The following ST6GALNAC3 variants were observed in gnomAD, a reference collection of about 807,000 sequenced individuals.
ST6GALNAC3 encodes the protein alpha-N-acetylgalactosaminide alpha-2,6-sialyltransferase 3.
In ST6GALNAC3, 25 loss-of-function variants were observed where a neutral mutation model predicts 32.7. The ratio of observed to expected loss-of-function variants is 0.76; its 90% CI spans 0.56 to 1.07. The LOEUF is 1.07. ST6GALNAC3 is among the 50% of genes least tolerant of loss of function. The pLI is 0.00. For synonymous variants in ST6GALNAC3, 129 were observed against 133.1 expected (o/e 0.97, Z 0.21); for missense variants, 355 against 382.4 (o/e 0.93, Z 0.60).
At chr1:76,426,501 TTGTGGAATAC>T (rs1385229632) in intron 3 of ST6GALNAC3, among the ~76,000 whole-genome samples, 2 of 151,658 alleles carry the variant, frequency 1.3e-5, no homozygotes, top group Non-Finnish European at 2.9e-5. Flanking sequence ...CAATGCCTTC[TTGTGGAATAC>T]TGCCTGAAAG....
At chr1:76,303,621 T>C (rs1660861186) in intron 1 of ST6GALNAC3, among the ~76,000 whole-genome samples, 1 of 152,110 alleles carries the variant, frequency 6.6e-6, no homozygotes, top group East Asian at 1.9e-4. Context: ...GCTATTGTCC[T>C]TATCAGAAGA....
At chr1:76,443,696 T>A (rs34785262) in intron 3 of ST6GALNAC3, among the ~76,000 whole-genome samples, 5,890 of 152,314 alleles carry the variant, frequency 0.039, 161 homozygotes, top group Non-Finnish European at 0.06. Context: ...ATTTTTCAAG[T>A]TCTTAAAGCA....
chr1:76,348,221 C>G (rs1648681096), intron 2 of ST6GALNAC3, among the ~76,000 whole-genome samples: 1 of 152,080 alleles, frequency 6.6e-6, no homozygotes, highest in African/African-American at 2.4e-5. Flanking sequence ...ACAGAGATAA[C>G]TTATTGTTTA....
At chr1:76,229,063 T>C (rs1656222359) in intron 1 of ST6GALNAC3, among the ~76,000 whole-genome samples, 2 of 152,118 alleles carry the variant, frequency 1.3e-5, no homozygotes, top group Non-Finnish European at 2.9e-5. Context: ...ACTGATTATA[T>C]GAATGGACAA....
chr1:76,517,649 T>C (rs1488644719), intron 3 of ST6GALNAC3, among the ~76,000 whole-genome samples: 2 of 151,990 alleles, frequency 1.3e-5, no homozygotes, highest in East Asian at 3.8e-4. Context: ...AAGTTGATTA[T>C]TTAATTATTT....
intron 1 of ST6GALNAC3, among the ~76,000 whole-genome samples, chr1:76,117,445 C>CT (rs1366048114): frequency 6.6e-6 from 1 of 152,232 alleles, no homozygotes; most frequent in Middle Eastern, 3.2e-3. Context: ...TGATGTGAGT[C>CT]TTGCTAGTCC....
intron 3 of ST6GALNAC3, among the ~76,000 whole-genome samples, chr1:76,436,442 G>C (rs1462588788): frequency 1.3e-5 from 2 of 152,032 alleles, no homozygotes; most frequent in African/African-American, 4.8e-5. Flanking sequence ...ACTGAGTCAG[G>C]ATTTTTTAAT....
chr1:76,617,450 A>G (rs1370038049), intron 3 of ST6GALNAC3, among the ~76,000 whole-genome samples: 2 of 152,170 alleles, frequency 1.3e-5, no homozygotes, highest in African/African-American at 4.8e-5. Context: ...AATTACCTTT[A>G]TCAGGTTAGC....
chr1:76,413,678 C>T (rs182051111), intron 3 of ST6GALNAC3, among the ~76,000 whole-genome samples: 18 of 152,210 alleles, frequency 1.2e-4, no homozygotes, highest in Admixed American at 3.9e-4. Context: ...CCATGAAATA[C>T]TAGTTCCTCG....
chr1:76,591,690 T>C (rs1647050842), intron 3 of ST6GALNAC3, among the ~76,000 whole-genome samples: 1 of 151,684 alleles, frequency 6.6e-6, no homozygotes, highest in Admixed American at 6.6e-5. Flanking sequence ...CACATCAGAG[T>C]TGTGTATGTG....
chr1:76,228,578 C>G (rs1269944511), intron 1 of ST6GALNAC3, among the ~76,000 whole-genome samples: 1 of 152,156 alleles, frequency 6.6e-6, no homozygotes, highest in African/African-American at 2.4e-5. Flanking sequence ...CACAGCAGCA[C>G]ATTTTAAAAC....
intron 3 of ST6GALNAC3, among the ~76,000 whole-genome samples, chr1:76,457,447 C>T (rs1473177580): frequency 6.6e-6 from 1 of 152,024 alleles, no homozygotes; most frequent in African/African-American, 2.4e-5. Context: ...TACCTGACTT[C>T]AAACTATACT....
At chr1:76,330,429 T>C (rs1647168514) in intron 2 of ST6GALNAC3, among the ~76,000 whole-genome samples, 1 of 152,234 alleles carries the variant, frequency 6.6e-6, no homozygotes, top group Non-Finnish European at 1.5e-5. Flanking sequence ...GTGCTGGGAT[T>C]ACAGGCGTGA....
intron 1 of ST6GALNAC3, among the ~76,000 whole-genome samples, chr1:76,236,819 AT>A (rs973332090): frequency 6.6e-6 from 1 of 152,194 alleles, no homozygotes; most frequent in African/African-American, 2.4e-5. Context: ...TTCTAAAATA[AT>A]TTTTTAGATA....
intron 3 of ST6GALNAC3, among the ~76,000 whole-genome samples, chr1:76,421,772 T>A (rs1263953213): frequency 6.6e-6 from 1 of 152,000 alleles, no homozygotes; most frequent in Non-Finnish European, 1.5e-5. Flanking sequence ...AAATGAAGAA[T>A]AAATTTGTAT....
At chr1:76,427,403 C>G (rs896150147) in intron 3 of ST6GALNAC3, among the ~76,000 whole-genome samples, 1 of 151,980 alleles carries the variant, frequency 6.6e-6, no homozygotes, top group Non-Finnish European at 1.5e-5. Context: ...GGATTCAGAA[C>G]CTCTGGGAAT....
intron 3 of ST6GALNAC3, among the ~76,000 whole-genome samples, chr1:76,533,790 G>A (rs1663418660): frequency 6.6e-6 from 1 of 152,098 alleles, no homozygotes; most frequent in Non-Finnish European, 1.5e-5. Context: ...ATCAAATCAT[G>A]ACACATTTTC....
intron 2 of ST6GALNAC3, among the ~76,000 whole-genome samples, chr1:76,377,252 C>G (rs1412973709): frequency 1.6e-4 from 25 of 152,128 alleles, no homozygotes; most frequent in Admixed American, 1.6e-3. Flanking sequence ...ACATTAGAAG[C>G]CTGGAGCAGA....
At chr1:76,557,257 G>T (rs534798080) in intron 3 of ST6GALNAC3, among the ~76,000 whole-genome samples, 2 of 151,918 alleles carry the variant, frequency 1.3e-5, no homozygotes, top group African/African-American at 2.4e-5. Context: ...CTTCCACTGC[G>T]TGCAGTTTTG....
Sources: gnomAD v4.1 joint callset for allele counts (sites outside exome capture counted in the v4.1 genomes callset) on GRCh38, gnomAD v4.1.1 for gene constraint, MANE v1.5 for transcripts, NCBI Gene and HGNC (gene_info 2026-07-23, HGNC 2026-07-21) for gene names.